The following ATP12A variants were observed in gnomAD, a reference collection of about 807,000 sequenced individuals.
ATP12A encodes the protein potassium-transporting ATPase alpha chain 2.
In ATP12A, 81 loss-of-function variants were observed where a neutral mutation model predicts 111.2. The ratio of observed to expected loss-of-function variants is 0.73; its 90% confidence interval spans 0.61 to 0.88. ATP12A has a LOEUF of 0.88. ATP12A is among the 40% of genes least tolerant of loss of function. The pLI, the probability that ATP12A is intolerant of heterozygous loss-of-function variation, is 0.00. For synonymous variants in ATP12A, 498 were observed against 499.8 expected, an observed-to-expected ratio of 1.00 and a Z score of 0.05; for missense variants, 1,196 against 1,313.1, an observed-to-expected ratio of 0.91 and a Z score of 1.38.
Position 24,690,993 on chromosome 13 carries a change from G to A in ATP12A, c.811G>A (p.Gly271Ser), listed in dbSNP as rs1448712716. 22 of 1,614,138 alleles carry A rather than the reference G, an allele frequency of 1.4e-5. No individual in the cohort carries two copies. The highest frequency in any genetic ancestry group is 4.0e-5 in the African/African-American group (3 of 75,044). ...STTCLEGTVT[G>S]MVINTGDRTI... ...TACTTCCCCTGTAGGCACTGTCACC[G>A]GCATGGTTATCAACACGGGTGACCG... The change falls in exon 8 of 23, where the codon GGC becomes AGC. Residue 271 changes from glycine (G) to serine (S), a missense_variant. By Grantham distance (56) the Gly-to-Ser change is moderately conservative. Around this residue, in one of 3 missense-constraint regions of ATP12A, gnomAD observed 1,126 missense variants for 1,228.5 expected, o/e 0.92. Transcript: ENST00000381946.
chr13:24,707,127 A>G lies in ATP12A; in HGVS notation c.2274A>G (p.Lys758=), dbSNP rs774566758. Residue 758 remains lysine, a synonymous_variant, in exon 16 of 23, where the codon AAA becomes AAG. Transcript: ENST00000381946. ...AMGIAGSDAA[K]NAADMVLLDD... is the part of the protein sequence containing the mutation. ...GGATAGCAGGTTCTGATGCAGCCAA[A>G]AATGCAGCCGACATGGTCTTGCTGG... is the stretch of plus-strand genomic sequence containing the variant. 6.2e-7 allele frequency: 1 copy of G among 1,614,114 alleles called. No individual in the cohort carries two copies. The highest frequency in any genetic ancestry group is 2.2e-5 in the East Asian group (1 of 44,864).
chr13:24,698,610 T>C (rs1346169001), intron 11 of ATP12A, 48 bp from the exon 12 acceptor site: 1 of 1,569,914 alleles, frequency 6.4e-7, no homozygotes, highest in Non-Finnish European at 8.7e-7. Flanking sequence ...GAAGAAGGAA[T>C]GCGTTTCACC....
chr13:24,692,682 T>C, intron 9 of ATP12A, 55 bp downstream of exon 9: 1 of 1,599,272 alleles, frequency 6.3e-7, no homozygotes, highest in Non-Finnish European at 8.5e-7. Flanking sequence ...ATCCTGGGGC[T>C]GAGCTGAGCA....
At chr13:24,687,818 T>G (rs2137692913) in intron 3 of ATP12A, among the ~76,000 whole-genome samples, 1 of 152,364 alleles carries the variant, frequency 6.6e-6, no homozygotes, top group Non-Finnish European at 1.5e-5. Flanking sequence ...TGCATTGCCC[T>G]TAGCCCTGGT....
chr13:24,692,326 T>C (rs1321717870), intron 8 of ATP12A, 103 bp from the exon 9 acceptor site: 1 of 1,269,544 alleles, frequency 7.9e-7, no homozygotes, highest in African/African-American at 1.5e-5. Context: ...CTAGTCCAGC[T>C]CTCTCCTAAA....
At chr13:24,691,406 T>A (rs1228576343) in intron 8 of ATP12A, among the ~76,000 whole-genome samples, 156 bp downstream of exon 8, 1 of 152,218 alleles carries the variant, frequency 6.6e-6, no homozygotes, top group Admixed American at 6.5e-5. Context: ...GACTGTTCCT[T>A]ACAGAGACAA....
intron 10 of ATP12A, 64 bp from the exon 11 acceptor site, chr13:24,694,380 T>C: frequency 6.3e-7 from 1 of 1,597,192 alleles, no homozygotes; most frequent in Non-Finnish European, 8.5e-7. Flanking sequence ...TTTTGGGTCC[T>C]ATGCTGAGGG....
chr13:24,680,787 G>A, intron 1 of ATP12A, 35 bp downstream of exon 1: 2 of 1,479,070 alleles, frequency 1.4e-6, no homozygotes, highest in Non-Finnish European at 8.9e-7. Context: ...GAGGATGCGA[G>A]ACGCTGGGCC....
chr13:24,681,998 G>A (rs372175175), intron 2 of ATP12A, among the ~76,000 whole-genome samples: 5 of 129,954 alleles, frequency 3.8e-5, no homozygotes, highest in South Asian at 2.6e-4. Context: ...TGTATGGTGT[G>A]TGGTGTGTGT....
At position 24,690,349 on chromosome 13, in the gene ATP12A, C is replaced by T. The variant is rs1404742570; in HGVS notation, c.558C>T (p.Val186=). ...GTTTTTTTCTGCAGCAAGCTCTCGT[C>T]ATCCGAGATTCCGAGAAGAAGACCA... ...FNKMIPQQAL[V]IRDSEKKTIP... is the part of the protein sequence containing the mutation. The change falls in exon 6 of 23, where the codon GTC becomes GTT. Residue 186 remains valine (V), a synonymous_variant. Coordinates refer to ENST00000381946, the MANE Select transcript of ATP12A (RefSeq NM_001676.7). The T allele has an allele frequency of 2.5e-6, 4 of 1,613,176 alleles. No individual in the cohort carries two copies. In the African/African-American group the frequency reaches 5.4e-5, roughly 22 times the overall value.
Position 24,707,408 on chromosome 13 carries a change from T to C in ATP12A, c.2468T>C (p.Leu823Pro). 1 of 1,614,208 alleles carries C rather than the reference T, an allele frequency of 6.2e-7. No homozygotes were observed. Among genetic ancestry groups the C allele is most frequent in the Non-Finnish European group, 8.5e-7 (1 of 1,180,034 alleles). ...CTGCCCATTGGCACCATCACCATTCTGTTCATTGACTTGGGGACAGACATT... is the reference window on the plus strand; with the variant it reads ...CTGCCCATTGGCACCATCACCATTCCGTTCATTGACTTGGGGACAGACATT... ...LPLPIGTITI[L>P]FIDLGTDIIP... is the part of the protein sequence containing the mutation. Residue 823 changes from leucine to proline, a missense_variant, in exon 17 of 23, where the codon CTG becomes CCG. By Grantham distance (98) the Leu-to-Pro change is moderately conservative. Transcript: ENST00000381946.
At chr13:24,680,831 G>A in intron 1 of ATP12A, 79 bp downstream of exon 1, 4 of 1,414,886 alleles carry the variant, frequency 2.8e-6, no homozygotes, top group South Asian at 1.5e-5. Flanking sequence ...CTGACGGGAA[G>A]CGAGGAAAAG....
At position 24,685,461 on chromosome 13, in the gene ATP12A, G is replaced by C; in HGVS notation, c.228+88G>C. The C allele has an allele frequency of 7.1e-7, 1 of 1,401,200 alleles. No individual in the cohort carries two copies. The highest frequency in any genetic ancestry group is 1.0e-6 in the Non-Finnish European group (1 of 988,422). The allele number at this position is 1,401,200 out of a possible 1,614,324, so 86.8% of individuals were successfully genotyped here. ...GTGTGGCGGGGGGCTGTGTGGAAGA[G>C]TAGCGGCACCTTTAGGAGGAGGGGC... On this transcript the variant is annotated intron_variant, in intron 3 of 22. Transcript: ENST00000381946. The surrounding 1 kb of genome is among the most constrained non-coding windows in gnomAD (Gnocchi z 5.5).
intron 3 of ATP12A, 26 bp from the exon 4 acceptor site, chr13:24,688,293 G>A: frequency 6.3e-7 from 1 of 1,594,674 alleles, no homozygotes; most frequent in Non-Finnish European, 8.6e-7. Flanking sequence ...TTTTGGTTGT[G>A]CATGTGCTTT....
chr13:24,698,510 C>G lies in ATP12A; in HGVS notation c.1513-148C>G, dbSNP rs563343036. 12 of 883,754 alleles carry G rather than the reference C, an allele frequency of 1.4e-5. No homozygotes were observed. In the South Asian group the frequency reaches 1.8e-4, roughly 13 times the overall value. 54.7% of individuals were successfully genotyped at this position (883,754 alleles called of 1,614,324 possible). On this transcript the variant is annotated intron_variant, in intron 11 of 22. Transcript: ENST00000381946. ...GGCTGGGGCCAAGTCTAGAGCTCTT[C>G]GTCTTACTTGGCCACAGAAAGAAAA...
chr13:24,703,611 GTAAC>G (rs1443897956), intron 14 of ATP12A: 1 of 152,174 alleles, frequency 6.6e-6, no homozygotes, highest in Non-Finnish European at 1.5e-5. Flanking sequence ...AGTTTGATCT[GTAAC>G]TGACTGTGAA....
chr13:24,699,997 G>A (rs775749335), intron 12 of ATP12A, among the ~76,000 whole-genome samples: 14 of 152,178 alleles, frequency 9.2e-5, no homozygotes, highest in Non-Finnish European at 1.3e-4. Context: ...ACACGGGATC[G>A]ATGCCCACTT....
At chr13:24,683,818 C>T (rs571694319) in intron 2 of ATP12A, among the ~76,000 whole-genome samples, 12 of 152,314 alleles carry the variant, frequency 7.9e-5, no homozygotes, top group African/African-American at 2.9e-4. Flanking sequence ...CCCATTATCT[C>T]TAGCATTTAA....
rs1566078424 is a variant in ATP12A at position 24,708,967 on chromosome 13, A to AAGAAAGAG, written c.2494-394_2494-393insAAGAGAGA. On this transcript the variant is annotated intron_variant, in intron 17 of 22. Transcript: ENST00000381946. ...AAAGAAAGAAAGAAAGAAAGAAGGA[A>AAGAAAGAG]AGAGAAAGAGAAATGAATGCAAATT... Among the ~76,000 whole-genome samples, 77 of 149,982 alleles carry AAGAAAGAG rather than the reference A, an allele frequency of 5.1e-4. 1 individual carries two copies. Among genetic ancestry groups the AAGAAAGAG allele is most frequent in the African/African-American group, 1.8e-3 (74 of 40,674 alleles).
Sources: gnomAD v4.1 joint callset for allele counts (sites outside exome capture counted in the v4.1 genomes callset) on GRCh38, gnomAD v4.1.1 for gene constraint, gnomAD v4.1.1 regional missense constraint, Gnocchi (gnomAD v3.1) non-coding constraint, MANE v1.5 for transcripts, NCBI Gene and HGNC (gene_info 2026-07-23, HGNC 2026-07-21) for gene names.